NRXN1: variants seen among roughly 807,000 people sequenced by gnomAD.
The protein encoded by NRXN1 is neurexin 1.
NRXN1 carries 39 observed loss-of-function variants against 150.9 expected under a neutral mutation model. That is an observed-to-expected ratio of 0.26 (90% CI 0.20 to 0.34). The LOEUF (loss-of-function observed/expected upper bound fraction) is 0.34, where lower values mean the gene tolerates loss of function less well. Among genes scored for constraint, NRXN1 ranks in the 10% least tolerant of loss-of-function variants. The pLI is 1.00. For missense variants in NRXN1, 1,815 were observed against 1,949.9 expected, an observed-to-expected ratio of 0.93 and a Z score of 1.30; for synonymous variants, 924 against 757.0, an observed-to-expected ratio of 1.22 and a Z score of -3.62.
At chr2:50,287,021 T>C (rs543177558) in intron 17 of NRXN1, among the ~76,000 whole-genome samples, 6 of 152,214 alleles carry the variant, frequency 3.9e-5, no homozygotes, top group African/African-American at 1.4e-4. Flanking sequence ...TTGAAGGTGC[T>C]TTGTAATTTT....
chr2:50,111,259 A>G (rs1422060976), intron 18 of NRXN1, among the ~76,000 whole-genome samples: 2 of 152,224 alleles, frequency 1.3e-5, no homozygotes, highest in African/African-American at 4.8e-5. Flanking sequence ...AATATCTCTG[A>G]CAAAGGGTCA....
chr2:50,645,752 C>T (rs2104514762), intron 5 of NRXN1, among the ~76,000 whole-genome samples: 1 of 152,056 alleles, frequency 6.6e-6, no homozygotes, highest in East Asian at 1.9e-4. Context: ...ATCTACTACC[C>T]TTTTAAACTT....
intron 17 of NRXN1, among the ~76,000 whole-genome samples, chr2:50,365,938 T>C (rs959223824): frequency 1.1e-4 from 17 of 152,074 alleles, no homozygotes; most frequent in African/African-American, 3.9e-4. Flanking sequence ...GAAGCCAAAT[T>C]AGACGACTGC....
At chr2:50,940,688 TG>T (rs1689299226) in intron 2 of NRXN1, among the ~76,000 whole-genome samples, 1 of 152,148 alleles carries the variant, frequency 6.6e-6, no homozygotes, top group South Asian at 2.1e-4. Context: ...CTAAAGTTTT[TG>T]TTTTTTGTTT....
intron 17 of NRXN1, among the ~76,000 whole-genome samples, chr2:50,449,539 G>T (rs144873887): frequency 6.6e-6 from 1 of 152,112 alleles, no homozygotes; most frequent in African/African-American, 2.4e-5. Context: ...GTAGGTGTGT[G>T]GGGGAGGGAA....
chr2:50,115,969 A>C (rs1703006293), intron 18 of NRXN1, among the ~76,000 whole-genome samples: 1 of 152,090 alleles, frequency 6.6e-6, no homozygotes, highest in Non-Finnish European at 1.5e-5. Context: ...TATCTTTTTA[A>C]TACTAGTAGT....
chr2:50,442,537 G>A (rs2086051473), intron 17 of NRXN1, among the ~76,000 whole-genome samples: 1 of 152,106 alleles, frequency 6.6e-6, no homozygotes, highest in Non-Finnish European at 1.5e-5. Context: ...GAGGAGGGAA[G>A]TACCAGGACT....
chr2:50,268,719 A>G (rs1033374412), intron 17 of NRXN1, among the ~76,000 whole-genome samples: 1 of 152,148 alleles, frequency 6.6e-6, no homozygotes, highest in Non-Finnish European at 1.5e-5. Flanking sequence ...TTGCTTTTCA[A>G]TTGATTCGTG....
chr2:50,788,558 G>A (rs1705471968), intron 5 of NRXN1, among the ~76,000 whole-genome samples: 1 of 151,846 alleles, frequency 6.6e-6, no homozygotes, highest in African/African-American at 2.4e-5. Context: ...TGTTTCTAAG[G>A]TACCTACTAG....
chr2:50,967,853 T>A (rs1259664808), intron 2 of NRXN1, among the ~76,000 whole-genome samples: 1 of 151,990 alleles, frequency 6.6e-6, no homozygotes, highest in Non-Finnish European at 1.5e-5. Flanking sequence ...TGTTAGTTTT[T>A]CTGCTTATTT....
At chr2:50,700,070 T>A (rs1017632288) in intron 5 of NRXN1, among the ~76,000 whole-genome samples, 1 of 152,202 alleles carries the variant, frequency 6.6e-6, no homozygotes, top group Non-Finnish European at 1.5e-5. Flanking sequence ...AAATTGTTCC[T>A]TTAGTTGTTC....
chr2:49,947,514 CTTTTTTTTTTT>C (rs199991365), intron 21 of NRXN1, among the ~76,000 whole-genome samples: 1 of 109,006 alleles, frequency 9.2e-6, no homozygotes, highest in Middle Eastern at 4.9e-3. Flanking sequence ...TTTTTTTTTT[CTTTTTTTTTTT>C]TTTTTTGTAG....
chr2:50,299,099 C>T (rs1374895034), intron 17 of NRXN1, among the ~76,000 whole-genome samples: 2 of 152,076 alleles, frequency 1.3e-5, no homozygotes, highest in Non-Finnish European at 2.9e-5. Context: ...CATGTAGACC[C>T]TTTCAGGAAA....
chr2:49,990,226 G>T (rs910390110), intron 21 of NRXN1, among the ~76,000 whole-genome samples: 11 of 152,052 alleles, frequency 7.2e-5, no homozygotes, highest in African/African-American at 2.4e-4. Context: ...GACTACAGGG[G>T]GAAAAACATT....
intron 22 of NRXN1, among the ~76,000 whole-genome samples, chr2:49,928,033 G>A (rs75138563): frequency 9.9e-4 from 150 of 151,892 alleles, no homozygotes; most frequent in African/African-American, 3.5e-3. Flanking sequence ...ATTATAACCT[G>A]ATGACAATGG....
intron 17 of NRXN1, among the ~76,000 whole-genome samples, chr2:50,329,617 GTATATATATA>G (rs1172739306): frequency 3.1e-3 from 44 of 13,972 alleles, no homozygotes; most frequent in Non-Finnish European, 6.1e-3. Flanking sequence ...GTGTGTGTGT[GTATATATATA>G]TATATATATA....
chr2:50,124,788 A>C (rs1175937219), intron 18 of NRXN1, among the ~76,000 whole-genome samples: 1 of 152,078 alleles, frequency 6.6e-6, no homozygotes, highest in Non-Finnish European at 1.5e-5. Context: ...ACCAACCATA[A>C]CTTAAATGTT....
chr2:50,272,528 G>C (rs1223473761), intron 17 of NRXN1, among the ~76,000 whole-genome samples: 1 of 152,088 alleles, frequency 6.6e-6, no homozygotes, highest in African/African-American at 2.4e-5. Flanking sequence ...TGAGAATCTA[G>C]TTTCAATGAA....
intron 5 of NRXN1, among the ~76,000 whole-genome samples, chr2:50,690,732 G>A (rs1691949165): frequency 6.6e-6 from 1 of 151,992 alleles, no homozygotes; most frequent in African/African-American, 2.4e-5. Flanking sequence ...TCAAACTCCG[G>A]GATTCAAAAT....
Sources: allele counts gnomAD v4.1 joint callset (sites outside exome capture counted in the v4.1 genomes callset), GRCh38; gene constraint gnomAD v4.1.1; transcripts MANE v1.5; gene names NCBI Gene and HGNC (gene_info 2026-07-23, HGNC 2026-07-21).